Variants in GPC6 observed in about 807,000 individuals in gnomAD.
GPC6 encodes glypican 6, also known as glypican-6.
In GPC6, 14 loss-of-function variants were observed where a neutral mutation model predicts 55.2. The observed-to-expected ratio is 0.25, with a 90% CI of 0.17 to 0.40. GPC6 has a LOEUF of 0.40. Ranked by LOEUF, GPC6 falls within the 10% of genes least tolerant of loss-of-function variation. The pLI, the probability that GPC6 is intolerant of heterozygous loss-of-function variation, is 1.00. For missense variants in GPC6, 641 were observed against 708.5 expected (o/e 0.90, Z 1.08); for synonymous variants, 278 against 259.6 (o/e 1.07, Z -0.68).
chr13:94,126,785 G>A (rs1886834997), intron 4 of GPC6, among the ~76,000 whole-genome samples: 1 of 152,120 alleles, frequency 6.6e-6, no homozygotes, highest in Non-Finnish European at 1.5e-5. Flanking sequence ...GAAGTTGGCT[G>A]AGCTTATTTC....
chr13:93,965,959 G>A (rs759618035), intron 3 of GPC6, among the ~76,000 whole-genome samples: 7 of 152,188 alleles, frequency 4.6e-5, no homozygotes, highest in South Asian at 2.1e-4. Context: ...CCCTCTTCCC[G>A]CAGCCCAGCA....
intron 1 of GPC6, among the ~76,000 whole-genome samples, chr13:93,238,350 G>A (rs1281979673): frequency 1.3e-5 from 2 of 152,036 alleles, no homozygotes; most frequent in Non-Finnish European, 2.9e-5. Flanking sequence ...TTGTAAATGG[G>A]ATGGAATTCT....
intron 1 of GPC6, among the ~76,000 whole-genome samples, chr13:93,458,297 G>GA (rs1179456136): frequency 2.6e-5 from 4 of 152,090 alleles, no homozygotes; most frequent in Admixed American, 2.6e-4. Flanking sequence ...TCCTCCTTGT[G>GA]AAAATGTCCT....
intron 4 of GPC6, among the ~76,000 whole-genome samples, chr13:94,068,982 C>T (rs1003041919): frequency 6.6e-6 from 1 of 152,226 alleles, no homozygotes; most frequent in Non-Finnish European, 1.5e-5. Flanking sequence ...TTTCTCACTG[C>T]TCCACTAGGC....
intron 2 of GPC6, among the ~76,000 whole-genome samples, chr13:93,697,764 C>G (rs956136272): frequency 6.6e-6 from 1 of 152,136 alleles, no homozygotes; most frequent in African/African-American, 2.4e-5. Context: ...TTGATTAGAT[C>G]ATACATAACA....
At chr13:93,750,813 G>C (rs1415592218) in intron 2 of GPC6, among the ~76,000 whole-genome samples, 2 of 152,044 alleles carry the variant, frequency 1.3e-5, no homozygotes, top group Non-Finnish European at 2.9e-5. Flanking sequence ...GCTTAGTATG[G>C]TTTTAACTGC....
chr13:93,757,059 G>A (rs531673964), intron 2 of GPC6, among the ~76,000 whole-genome samples: 4 of 152,114 alleles, frequency 2.6e-5, no homozygotes, highest in Non-Finnish European at 4.4e-5. Context: ...ATATGTTTAT[G>A]TTATGACAGA....
intron 1 of GPC6, among the ~76,000 whole-genome samples, chr13:93,511,705 A>T (rs1332677315): frequency 6.6e-6 from 1 of 152,122 alleles, no homozygotes; most frequent in Non-Finnish European, 1.5e-5. Flanking sequence ...AATTCTATGA[A>T]GAATGACATT....
chr13:94,322,075 A>G (rs1247697615), intron 6 of GPC6, among the ~76,000 whole-genome samples: 2 of 152,130 alleles, frequency 1.3e-5, no homozygotes, highest in African/African-American at 4.8e-5. Context: ...TGTAGCTCCC[A>G]TAATTCCCAC....
intron 4 of GPC6, among the ~76,000 whole-genome samples, chr13:94,132,170 T>G (rs1887026132): frequency 6.6e-6 from 1 of 152,148 alleles, no homozygotes; most frequent in Non-Finnish European, 1.5e-5. Flanking sequence ...GAAGACTCAA[T>G]GGAGCAAAGC....
intron 4 of GPC6, among the ~76,000 whole-genome samples, chr13:94,100,073 A>G (rs1885801318): frequency 6.6e-6 from 1 of 152,182 alleles, no homozygotes. Flanking sequence ...TACCTATGTA[A>G]TAAACCTTCA....
intron 2 of GPC6, among the ~76,000 whole-genome samples, chr13:93,674,108 A>G (rs541594243): frequency 6.6e-6 from 1 of 152,270 alleles, no homozygotes; most frequent in South Asian, 2.1e-4. Context: ...TAAATGGTGG[A>G]AAATGGAAGC....
intron 3 of GPC6, among the ~76,000 whole-genome samples, chr13:93,923,634 C>T (rs1594591370): frequency 6.6e-6 from 1 of 152,246 alleles, no homozygotes; most frequent in East Asian, 1.9e-4. Flanking sequence ...TTTTGTATAA[C>T]TTACCCAAAG....
intron 1 of GPC6, among the ~76,000 whole-genome samples, chr13:93,539,808 C>T (rs1473088047): frequency 1.3e-5 from 2 of 151,786 alleles, no homozygotes; most frequent in Non-Finnish European, 1.5e-5. Flanking sequence ...TCTCCTGCCT[C>T]AGCCTCCCAA....
chr13:93,253,336 A>T (rs58142834), intron 1 of GPC6, among the ~76,000 whole-genome samples: 104 of 152,354 alleles, frequency 6.8e-4, no homozygotes, highest in African/African-American at 2.3e-3. Context: ...TCTGGAATGT[A>T]CATAGAAACC....
At chr13:93,276,495 A>AGAGAGTGTGT (rs1365006783) in intron 1 of GPC6, among the ~76,000 whole-genome samples, 8 of 94,458 alleles carry the variant, frequency 8.5e-5, no homozygotes, top group African/African-American at 3.1e-4. Context: ...AGAGAGAGAG[A>AGAGAGTGTGT]GTGTGTGTGT....
At chr13:93,650,327 C>T (rs1350148168) in intron 2 of GPC6, among the ~76,000 whole-genome samples, 1 of 152,052 alleles carries the variant, frequency 6.6e-6, no homozygotes, top group Non-Finnish European at 1.5e-5. Context: ...AAGCTTTTTG[C>T]TCTTGAAAGG....
intron 2 of GPC6, among the ~76,000 whole-genome samples, chr13:93,825,455 T>C (rs952861550): frequency 6.6e-6 from 1 of 152,150 alleles, no homozygotes; most frequent in African/African-American, 2.4e-5. Context: ...AGGACAGACG[T>C]CCTGAGCAAT....
chr13:94,272,791 A>G (rs1016633426), intron 4 of GPC6, among the ~76,000 whole-genome samples: 5 of 151,834 alleles, frequency 3.3e-5, no homozygotes, highest in African/African-American at 1.2e-4. Context: ...TTGATGATAG[A>G]TGGACTGATT....
Sources: gnomAD v4.1 joint callset for allele counts (sites outside exome capture counted in the v4.1 genomes callset) on GRCh38, gnomAD v4.1.1 for gene constraint, MANE v1.5 for transcripts, NCBI Gene and HGNC (gene_info 2026-07-23, HGNC 2026-07-21) for gene names.